Variants in SATB2 observed in about 807,000 individuals in gnomAD.
SATB2 encodes the protein SATB homeobox 2.
Under a neutral mutation model 73.4 loss-of-function variants are expected in SATB2, and 1 was observed. The observed-to-expected ratio is 0.01, with a 90% CI of 0.00 to 0.06. SATB2 has a LOEUF of 0.06. SATB2 is among the 10% of genes least tolerant of loss of function. The pLI, the probability that SATB2 is intolerant of heterozygous loss-of-function variation, is 1.00. For missense variants in SATB2, 459 were observed against 945.8 expected (o/e 0.49, Z 6.75); for synonymous variants, 397 against 367.0 (o/e 1.08, Z -0.93).
intron 2 of SATB2, among the ~76,000 whole-genome samples, chr2:199,439,829 C>A (rs9989882): frequency 6.6e-6 from 1 of 152,068 alleles, no homozygotes; most frequent in African/African-American, 2.4e-5. Context: ...AGAGGCTGGG[C>A]GCAGTGGCTC....
rs1202969083 is a variant in SATB2, at chr2:199,308,326, A to G, written c.1740+434T>C. 2.0e-5 allele frequency among the ~76,000 whole-genome samples: 3 copies of G among 152,166 alleles called. No individual in the cohort carries two copies. The stretch of plus-strand genomic sequence containing the variant: ...ATGGTATTCCCTAGGTCATGTGGCT[A>G]TTTCTTTTCCTCAGTCTAATCAAAC... On this transcript the variant is annotated intron_variant, in intron 10 of 10. Coordinates refer to ENST00000417098, the MANE Select transcript of SATB2 (RefSeq NM_001172509.2). This position sits in a 1 kb window ranked among gnomAD's most constrained non-coding sequence, Gnocchi z 4.6.
intron 10 of SATB2, among the ~76,000 whole-genome samples, chr2:199,290,488 C>T (rs777994704): frequency 6.6e-6 from 1 of 152,196 alleles, no homozygotes; most frequent in Non-Finnish European, 1.5e-5. Flanking sequence ...TAGAACACAT[C>T]TAATAGTCCT....
intron 7 of SATB2, chr2:199,348,328 T>C (rs1396118435): frequency 6.0e-6 from 1 of 168,026 alleles, no homozygotes; most frequent in Non-Finnish European, 1.3e-5. Flanking sequence ...TGGGCATGCA[T>C]AGTTTTATAA....
intron 6 of SATB2, among the ~76,000 whole-genome samples, chr2:199,354,142 G>C (rs1312603489): frequency 6.6e-6 from 1 of 152,202 alleles, no homozygotes; most frequent in African/African-American, 2.4e-5. Flanking sequence ...CGGATCACTT[G>C]AGATCAGGAG....
intron 6 of SATB2, among the ~76,000 whole-genome samples, chr2:199,354,261 C>T (rs1447268893): frequency 6.6e-6 from 1 of 152,114 alleles, no homozygotes; most frequent in Non-Finnish European, 1.5e-5. Flanking sequence ...GAGGCTGAGG[C>T]AGGAGAATCA....
upstream of SATB2, chr2:199,458,727 G>T (rs1692378831): frequency 2.3e-6 from 1 of 430,632 alleles, no homozygotes; most frequent in Non-Finnish European, 4.6e-6. Flanking sequence ...TTTCGACTTT[G>T]GAGATAGGAG....
At chr2:199,408,353 A>T (rs1015113791) in intron 3 of SATB2, among the ~76,000 whole-genome samples, 3 of 152,220 alleles carry the variant, frequency 2.0e-5, no homozygotes, top group Non-Finnish European at 4.4e-5. Context: ...GACCTTGCAT[A>T]AATTTATGTG....
intron 6 of SATB2, among the ~76,000 whole-genome samples, chr2:199,358,113 C>T (rs1689039742): frequency 6.7e-6 from 1 of 149,784 alleles, no homozygotes; most frequent in Non-Finnish European, 1.5e-5. Context: ...AACAACCCCA[C>T]TGTCCACCCA....
upstream of SATB2, chr2:199,468,029 TTTC>T (rs1450078446): frequency 6.6e-6 from 1 of 151,114 alleles, no homozygotes; most frequent in Non-Finnish European, 1.5e-5. Context: ...CCCACTCTTT[TTTC>T]TTTCTTTCTT....
At chr2:199,434,371 A>G (rs1004549881) in intron 2 of SATB2, among the ~76,000 whole-genome samples, 16 of 152,232 alleles carry the variant, frequency 1.1e-4, no homozygotes, top group Non-Finnish European at 1.6e-4. Flanking sequence ...GTTGTCACTG[A>G]AATATTTCTC....
chr2:199,462,258 G>A (rs1296013789), upstream of SATB2, among the ~76,000 whole-genome samples: 1 of 152,220 alleles, frequency 6.6e-6, no homozygotes, highest in Non-Finnish European at 1.5e-5. This position sits in a 1 kb window ranked among gnomAD's most constrained non-coding sequence, Gnocchi z 5.9. Context: ...TGCCCTCCTG[G>A]GGGCGGGAGG....
At chr2:199,410,096 TGTTA>T (rs1295428108) in intron 3 of SATB2, among the ~76,000 whole-genome samples, 1 of 152,176 alleles carries the variant, frequency 6.6e-6, no homozygotes, top group Non-Finnish European at 1.5e-5. Context: ...TTTCTGTGTG[TGTTA>T]GTTTAGTAGT....
At position 199,272,676 on chromosome 2, in the gene SATB2, ATAAT is replaced by A. The variant is rs1692196640; in HGVS notation, c.1741-8_1741-5del. On this transcript the variant is annotated splice_region_variant and splice_polypyrimidine_tract_variant and intron_variant, in intron 10 of 10. Transcript: ENST00000417098. The surrounding 1 kb of genome is among the most constrained non-coding windows in gnomAD (Gnocchi z 6.7). ...GAGACTGCTGTCTATGAAGTACCTG[ATAAT>A]TAAGAGAGAAAAAAATGAACACTGG... 2 of 1,613,042 alleles carry A rather than the reference ATAAT, an allele frequency of 1.2e-6. No homozygotes were observed. Among genetic ancestry groups the A allele is most frequent in the African/African-American group, 2.7e-5 (2 of 74,890 alleles).
intron 3 of SATB2, among the ~76,000 whole-genome samples, chr2:199,407,000 G>C (rs553382399): frequency 6.6e-6 from 1 of 152,104 alleles, no homozygotes; most frequent in African/African-American, 2.4e-5. Flanking sequence ...AAGTAAGGAG[G>C]GTTCTTATCT....
At chr2:199,319,973 G>T (rs778484791) in intron 9 of SATB2, among the ~76,000 whole-genome samples, 1 of 152,020 alleles carries the variant, frequency 6.6e-6, no homozygotes, top group Non-Finnish European at 1.5e-5. Flanking sequence ...GTGCCCACAG[G>T]TTACTATGTT....
intron 10 of SATB2, among the ~76,000 whole-genome samples, chr2:199,304,321 C>G (rs1687370582): frequency 6.6e-6 from 1 of 152,124 alleles, no homozygotes; most frequent in Non-Finnish European, 1.5e-5. Flanking sequence ...CTTTTGTTTC[C>G]AACCTTTCGG....
chr2:199,398,090 G>A (rs938144628), intron 3 of SATB2, among the ~76,000 whole-genome samples: 5 of 152,106 alleles, frequency 3.3e-5, no homozygotes, highest in African/African-American at 1.2e-4. Context: ...TTGCTTCTCA[G>A]GGCAATGAGA....
At chr2:199,369,962 G>C (rs1689394346) in intron 5 of SATB2, among the ~76,000 whole-genome samples, 1 of 152,068 alleles carries the variant, frequency 6.6e-6, no homozygotes, top group Non-Finnish European at 1.5e-5. Flanking sequence ...TTTTCTCTGA[G>C]GGAAGATAGT....
intron 7 of SATB2, chr2:199,348,276 T>G (rs1466447886): frequency 6.5e-6 from 1 of 152,884 alleles, no homozygotes; most frequent in Non-Finnish European, 1.5e-5. Context: ...TAATTTTATT[T>G]CTTTTATAAC....
Sources: gnomAD v4.1 joint callset for allele counts (sites outside exome capture counted in the v4.1 genomes callset) on GRCh38, gnomAD v4.1.1 for gene constraint, Gnocchi (gnomAD v3.1) non-coding constraint, MANE v1.5 for transcripts, NCBI Gene and HGNC (gene_info 2026-07-23, HGNC 2026-07-21) for gene names.